SEC24B: variants seen among roughly 807,000 people sequenced by gnomAD.
SEC24B encodes the protein SEC24 homolog B, COPII component.
Under a neutral mutation model 142.8 loss-of-function variants are expected in SEC24B, and 45 were observed. The ratio of observed to expected loss-of-function variants is 0.32; its 90% confidence interval spans 0.25 to 0.40. SEC24B has a LOEUF of 0.40. SEC24B is among the 10% of genes least tolerant of loss of function. The probability of loss-of-function intolerance (pLI) is 1.00; values close to 1 mark genes in which losing one functional copy is unlikely to be tolerated. For missense variants in SEC24B, 1,409 were observed against 1,526.8 expected, an observed-to-expected ratio of 0.92 and a Z score of 1.29; for synonymous variants, 574 against 568.2, an observed-to-expected ratio of 1.01 and a Z score of -0.15.
At chr4:109,477,140 TAAAAAAAAA>T (rs759331468) in intron 3 of SEC24B, among the ~76,000 whole-genome samples, 51 of 55,916 alleles carry the variant, frequency 9.1e-4, no homozygotes, top group South Asian at 2.5e-3. Context: ...CCGTCTCAAA[TAAAAAAAAA>T]AAAAAAAAAA....
chr4:109,443,897 A>G (rs1729171199), intron 1 of SEC24B, among the ~76,000 whole-genome samples: 1 of 152,210 alleles, frequency 6.6e-6, no homozygotes, highest in Non-Finnish European at 1.5e-5. Flanking sequence ...TACTCTGAGC[A>G]GTGCAGGGGT....
chr4:109,477,200 C>G lies in SEC24B; in HGVS notation c.1060+4014C>G, dbSNP rs977442207. On this transcript the variant is annotated intron_variant, in intron 3 of 23. Transcript: ENST00000265175. Reference sequence around the variant, plus strand: ...AGTTGGAAGGAGAGGTACCCAGGCCCATTGCACACCTTTTGCCTTCAAACT... The same window carrying G: ...AGTTGGAAGGAGAGGTACCCAGGCCGATTGCACACCTTTTGCCTTCAAACT... Among the ~76,000 whole-genome samples the G allele has an allele frequency of 2.0e-5, 3 of 150,686 alleles. No homozygotes were observed. In the East Asian group the frequency reaches 5.8e-4, roughly 29 times the overall value.
chr4:109,502,290 G>C (rs1736230953), intron 6 of SEC24B, among the ~76,000 whole-genome samples: 1 of 152,182 alleles, frequency 6.6e-6, no homozygotes, highest in Non-Finnish European at 1.5e-5. Context: ...TTTATCCGAG[G>C]TGCATAAGAG....
intron 1 of SEC24B, among the ~76,000 whole-genome samples, chr4:109,457,594 G>A (rs546140699): frequency 1.1e-4 from 17 of 152,120 alleles, no homozygotes; most frequent in East Asian, 1.9e-4. Context: ...TCTTAATACC[G>A]TTACAATGGC....
intron 6 of SEC24B, among the ~76,000 whole-genome samples, chr4:109,504,144 T>A (rs1229818654): frequency 6.6e-6 from 1 of 152,182 alleles, no homozygotes; most frequent in Non-Finnish European, 1.5e-5. Flanking sequence ...CCACACTGCC[T>A]ACCATCCCAC....
rs1733767953 is a variant in SEC24B at position 109,481,782 on chromosome 4, G to T, written c.1165+1G>T. ...GAGGAGGAGGAGGATGAGGAAGCAG[G>T]TCTGCTTTAGCTTTACACCAGTTCT... On this transcript the variant is annotated splice_donor_variant, in intron 4 of 23. Transcript: ENST00000265175. LOFTEE classifies it high-confidence loss of function. 1 of 1,610,992 alleles carries T rather than the reference G, an allele frequency of 6.2e-7. No individual in the cohort carries two copies.
At chr4:109,509,893 G>C in intron 7 of SEC24B, 116 bp from the exon 8 acceptor site, 1 of 575,412 alleles carries the variant, frequency 1.7e-6, no homozygotes, top group Admixed American at 3.6e-5. Context: ...TACAGTTACA[G>C]TAACATGCCC....
In SEC24B at chr4:109,531,501, G is replaced by T; in HGVS notation, c.3369G>T (p.Arg1123Ser). ...LMKMIHPNLY[R>S]IDRLTDEGAV... ...AAATGATTCATCCCAACTTATACAGGATAGACAGATTGACAGATGAGGTAT... is the reference window on the plus strand; with the variant it reads ...AAATGATTCATCCCAACTTATACAGTATAGACAGATTGACAGATGAGGTAT... Residue 1123 changes from arginine (R) to serine (S), a missense_variant, in exon 20 of 24, where the codon AGG (arginine) becomes AGT (serine). Around this residue, in one of 2 missense-constraint regions of SEC24B, gnomAD observed 700 missense variants for 853.3 expected, o/e 0.82. Coordinates refer to ENST00000265175, the MANE Select transcript of SEC24B (RefSeq NM_006323.5). The T allele has an allele frequency of 6.2e-7, 1 of 1,609,280 alleles. No homozygotes were observed. Among genetic ancestry groups the T allele is most frequent in the African/African-American group, 1.3e-5 (1 of 74,934 alleles).
chr4:109,523,866 A>G (rs1030817315), intron 14 of SEC24B, among the ~76,000 whole-genome samples: 1 of 152,190 alleles, frequency 6.6e-6, no homozygotes, highest in African/African-American at 2.4e-5. Flanking sequence ...TGTAACCACC[A>G]TTAAGTAGCA....
At chr4:109,486,837 A>T (rs1283958607) in intron 4 of SEC24B, among the ~76,000 whole-genome samples, 2 of 152,194 alleles carry the variant, frequency 1.3e-5, no homozygotes, top group Non-Finnish European at 2.9e-5. Flanking sequence ...GTATAATATG[A>T]TAGGGAAACA....
At chr4:109,477,781 A>G (rs1733325665) in intron 3 of SEC24B, among the ~76,000 whole-genome samples, 1 of 152,196 alleles carries the variant, frequency 6.6e-6, no homozygotes, top group Non-Finnish European at 1.5e-5. Flanking sequence ...CTTGTTGGTA[A>G]ATATTTTTTT....
chr4:109,513,275 C>G (rs1473594394), intron 9 of SEC24B, among the ~76,000 whole-genome samples: 2 of 137,720 alleles, frequency 1.5e-5, no homozygotes, highest in African/African-American at 6.2e-5. Context: ...CGCCTGGCCC[C>G]CTGATTATTA....
rs749153257 is a variant in SEC24B, at chr4:109,462,945, C to T, written c.178C>T (p.His60Tyr). ...GCAGGTTCCATCTGGATATGGATTG[C>T]ATCATCAAAACTATATTGCTCCCTC... ...QMQVPSGYGL[H>Y]HQNYIAPSGH... The change falls in exon 2 of 24, where the codon CAT (histidine) becomes TAT (tyrosine). Residue 60 changes from histidine (H) to tyrosine (Y), a missense_variant. Around this residue, in one of 2 missense-constraint regions of SEC24B, gnomAD observed 709 missense variants for 673.5 expected, o/e 1.05. Transcript: ENST00000265175. 1 of 1,612,456 alleles carries T rather than the reference C, an allele frequency of 6.2e-7. No homozygotes were observed. Among genetic ancestry groups the T allele is most frequent in the African/African-American group, 1.3e-5 (1 of 74,896 alleles).
chr4:109,458,403 C>G (rs1211931780), intron 1 of SEC24B, among the ~76,000 whole-genome samples: 1 of 152,152 alleles, frequency 6.6e-6, no homozygotes, highest in Admixed American at 6.5e-5. Flanking sequence ...ATCTCTACCT[C>G]CCTTATTGCT....
chr4:109,486,441 C>G (rs1263079638), intron 4 of SEC24B, among the ~76,000 whole-genome samples: 6 of 152,176 alleles, frequency 3.9e-5, no homozygotes, highest in Admixed American at 2.0e-4. Flanking sequence ...TAATTGCTTT[C>G]TGATACTCTT....
rs528807661 is a variant in SEC24B, at chr4:109,462,921, C to G, written c.154C>G (p.Gln52Glu). Reference sequence around the variant, plus strand: ...TTCAGGTCCAGCCCAGAATCAAATGCAGGTTCCATCTGGATATGGATTGCA... The same window carrying G: ...TTCAGGTCCAGCCCAGAATCAAATGGAGGTTCCATCTGGATATGGATTGCA... ...QQNGPAQNQM[Q>E]VPSGYGLHHQ... The change falls in exon 2 of 24, where the codon CAG becomes GAG. Residue 52 changes from glutamine (Q) to glutamate (E), a missense_variant. Around this residue, in one of 2 missense-constraint regions of SEC24B, gnomAD observed 709 missense variants for 673.5 expected, o/e 1.05. Transcript: ENST00000265175. The G allele has an allele frequency of 2.2e-5, 35 of 1,608,954 alleles. No individual in the cohort carries two copies. In the South Asian group the frequency reaches 2.6e-4, roughly 12 times the overall value.
intron 1 of SEC24B, among the ~76,000 whole-genome samples, chr4:109,436,671 A>G (rs1048429088): frequency 2.0e-5 from 3 of 152,236 alleles, no homozygotes; most frequent in Non-Finnish European, 4.4e-5. Context: ...AGACAGCCTC[A>G]GGCTGGAGCT....
At chr4:109,450,656 CAAAAAAAAAA>C (rs945328674) in intron 1 of SEC24B, 1 of 64,070 alleles carries the variant, frequency 1.6e-5, no homozygotes, top group East Asian at 5.4e-4. Context: ...AGACTCATCT[CAAAAAAAAAA>C]AAAAAAAAAT....
intron 10 of SEC24B, among the ~76,000 whole-genome samples, chr4:109,515,150 G>A (rs981997844): frequency 3.3e-5 from 5 of 151,898 alleles, no homozygotes; most frequent in African/African-American, 9.7e-5. Context: ...ATCCAGGCTG[G>A]AGTGCAGTGG....
Sources: allele counts gnomAD v4.1 joint callset (sites outside exome capture counted in the v4.1 genomes callset), GRCh38; gene constraint gnomAD v4.1.1; regional missense constraint gnomAD v4.1.1; transcripts MANE v1.5; gene names NCBI Gene and HGNC (gene_info 2026-07-23, HGNC 2026-07-21).